Variants in PRKAG2 observed in about 807,000 individuals in gnomAD.
The protein encoded by PRKAG2 is 5'-AMP-activated protein kinase subunit gamma-2.
A neutral mutation model predicts 69.6 loss-of-function variants in PRKAG2; 26 were observed. The ratio of observed to expected loss-of-function variants is 0.37; its 90% CI spans 0.27 to 0.52. PRKAG2 has a LOEUF of 0.52. Ranked by LOEUF, PRKAG2 falls within the 20% of genes least tolerant of loss-of-function variation. PRKAG2 has a pLI of 0.90. For synonymous variants in PRKAG2, 293 were observed against 285.0 expected (o/e 1.03, Z -0.28); for missense variants, 557 against 740.0 (o/e 0.75, Z 2.87).
intron 4 of PRKAG2, among the ~76,000 whole-genome samples, chr7:151,643,558 C>A (rs921966404): frequency 6.6e-6 from 1 of 152,166 alleles, no homozygotes; most frequent in African/African-American, 2.4e-5. Context: ...CTCTACATAA[C>A]GTGATCAAAA....
At chr7:151,648,617 G>A (rs181333903) in intron 4 of PRKAG2, among the ~76,000 whole-genome samples, 128 of 152,314 alleles carry the variant, frequency 8.4e-4, no homozygotes, top group Non-Finnish European at 1.6e-3. Context: ...AGGCTTTAGG[G>A]AATGAAAATC....
At chr7:151,725,303 T>C (rs759703098) in intron 3 of PRKAG2, among the ~76,000 whole-genome samples, 1 of 152,030 alleles carries the variant, frequency 6.6e-6, no homozygotes, top group Non-Finnish European at 1.5e-5. Flanking sequence ...ACAAATACTG[T>C]CTGATTCCGC....
chr7:151,650,761 G>A (rs1422530698), intron 4 of PRKAG2, among the ~76,000 whole-genome samples: 2 of 152,196 alleles, frequency 1.3e-5, no homozygotes, highest in Non-Finnish European at 2.9e-5. Flanking sequence ...CAGGGGAGAA[G>A]GCCAGTGTCA....
rs201777571 is a variant in PRKAG2 at position 151,653,600 on chromosome 7, G to T, written c.685-21462C>A. Among the ~76,000 whole-genome samples, 4 of 152,314 alleles carry T rather than the reference G, an allele frequency of 2.6e-5. No homozygotes were observed. The East Asian group carries it at 7.7e-4, about 29-fold the overall frequency. The stretch of plus-strand genomic sequence containing the variant: ...CTCATGCCTCTAATTCCAGCACTTT[G>T]TGAGTCTGAGGCGGGCCGATCACCT... On this transcript the variant is annotated intron_variant, in intron 4 of 15. Transcript: ENST00000287878.
At chr7:151,596,124 C>G (rs1244130988) in intron 5 of PRKAG2, among the ~76,000 whole-genome samples, 1 of 152,166 alleles carries the variant, frequency 6.6e-6, no homozygotes, top group Non-Finnish European at 1.5e-5. Flanking sequence ...CTTGTCAGAG[C>G]AGTCAGGCAA....
intron 1 of PRKAG2, among the ~76,000 whole-genome samples, chr7:151,819,696 T>G (rs1328120857): frequency 1.1e-4 from 17 of 152,186 alleles, no homozygotes; most frequent in Admixed American, 1.0e-3. Flanking sequence ...TTCAAGGCCA[T>G]GTTCTGACCA....
At chr7:151,573,793 T>C (rs983556786) in intron 8 of PRKAG2, among the ~76,000 whole-genome samples, 1 of 152,180 alleles carries the variant, frequency 6.6e-6, no homozygotes, top group Non-Finnish European at 1.5e-5. Context: ...GTGTTTGTTT[T>C]TCGGAGACAG....
At chr7:151,865,977 A>G (rs552364765) in intron 1 of PRKAG2, among the ~76,000 whole-genome samples, 63 of 149,748 alleles carry the variant, frequency 4.2e-4, no homozygotes, top group South Asian at 1.3e-3. Flanking sequence ...CGGAGATCGC[A>G]CCACTGCACT....
At chr7:151,707,207 G>C (rs373392645) in intron 3 of PRKAG2, among the ~76,000 whole-genome samples, 65 of 152,296 alleles carry the variant, frequency 4.3e-4, no homozygotes, top group African/African-American at 1.5e-3. Context: ...GCCCAAACTT[G>C]AGCTGCCGTT....
rs564759262 is a variant in PRKAG2, at chr7:151,658,148, G to A, written c.684+17272C>T. Among the ~76,000 whole-genome samples the A allele has an allele frequency of 2.8e-3, 317 of 111,570 alleles. 2 individuals carry two copies. Among genetic ancestry groups the A allele is most frequent in the African/African-American group, 0.01 (305 of 30,176 alleles). 73.2% of individuals were successfully genotyped at this position (111,570 alleles called of 152,430 possible). A position where few individuals can be genotyped will look rare whatever the true frequency, so the allele number is the denominator to read the frequency against. On this transcript the variant is annotated intron_variant, in intron 4 of 15. Transcript: ENST00000287878. ...ACTCCAGCCTGGTGACAGAGCAAGA[G>A]TCCGTCTCATAAATAAATAAATAAA...
intron 3 of PRKAG2, among the ~76,000 whole-genome samples, chr7:151,758,621 A>G (rs2075241173): frequency 6.6e-6 from 1 of 152,210 alleles, no homozygotes; most frequent in South Asian, 2.1e-4. Flanking sequence ...TTGGGTGACC[A>G]TCAGTGTACC....
At chr7:151,562,203 C>G (rs1181592261) in intron 14 of PRKAG2, among the ~76,000 whole-genome samples, 4 of 141,482 alleles carry the variant, frequency 2.8e-5, no homozygotes, top group African/African-American at 1.1e-4. Context: ...TGAGATTGCG[C>G]CACTGCACTC....
In PRKAG2 at chr7:151,564,166, T is replaced by C. The variant is rs781741013; in HGVS notation, c.1496A>G (p.Gln499Arg). ...ACCTTCAAAATACTGTGAACGGTGC[T>C]GAAGGGCCTGGGTCACCGTGATATC... is the stretch of plus-strand genomic sequence containing the variant. ...NLDITVTQAL[Q>R]HRSQYFEGVV... Residue 499 changes from glutamine to arginine, a missense_variant, in exon 14 of 16, where the codon CAG becomes CGG. This residue lies in a region of PRKAG2 where 205 missense variants were observed against 383.4 expected (regional missense o/e 0.53). Coordinates refer to ENST00000287878, the MANE Select transcript of PRKAG2 (RefSeq NM_016203.4). The C allele has an allele frequency of 1.9e-5, 31 of 1,614,120 alleles. 1 individual carries two copies. In the Admixed American group the frequency reaches 5.0e-4, roughly 26 times the overall value.
At chr7:151,637,236 A>G (rs2151349860) in intron 4 of PRKAG2, among the ~76,000 whole-genome samples, 1 of 152,360 alleles carries the variant, frequency 6.6e-6, no homozygotes, top group Admixed American at 6.5e-5. Context: ...TAATTTTTAA[A>G]AAAAGTTTTT....
At chr7:151,674,607 G>A (rs546257898) in intron 4 of PRKAG2, among the ~76,000 whole-genome samples, 2 of 152,274 alleles carry the variant, frequency 1.3e-5, no homozygotes, top group South Asian at 4.1e-4. Flanking sequence ...ACGGAGATTC[G>A]CTGCCTCGGT....
At chr7:151,736,240 C>A in intron 3 of PRKAG2, 1 of 1,358,316 alleles carries the variant, frequency 7.4e-7, no homozygotes, top group Admixed American at 3.0e-5. Flanking sequence ...GCCGTCCTGA[C>A]GGGGCTGCAC....
chr7:151,644,736 T>C (rs550488587), intron 4 of PRKAG2, among the ~76,000 whole-genome samples: 1 of 152,308 alleles, frequency 6.6e-6, no homozygotes, highest in South Asian at 2.1e-4. Flanking sequence ...GGTAGGTGTG[T>C]GTTTAATATG....
chr7:151,676,249 AG>A (rs1832926847), intron 3 of PRKAG2, among the ~76,000 whole-genome samples: 1 of 1,782 alleles, frequency 5.6e-4, no homozygotes, highest in Non-Finnish European at 1.2e-3. Flanking sequence ...GAGGAGGGGG[AG>A]GGGGAGGGGA....
At chr7:151,696,097 C>T (rs1479409993) in intron 3 of PRKAG2, among the ~76,000 whole-genome samples, 1 of 152,198 alleles carries the variant, frequency 6.6e-6, no homozygotes, top group Non-Finnish European at 1.5e-5. Flanking sequence ...CCTATCAGTG[C>T]CTCCTCTGCA....
Sources: gnomAD v4.1 joint callset for allele counts (sites outside exome capture counted in the v4.1 genomes callset) on GRCh38, gnomAD v4.1.1 for gene constraint, gnomAD v4.1.1 regional missense constraint, MANE v1.5 for transcripts, NCBI Gene and HGNC (gene_info 2026-07-23, HGNC 2026-07-21) for gene names.